Variants in THADA observed in about 807,000 individuals in gnomAD.
The protein encoded by THADA is THADA armadillo repeat containing, also known as tRNA (32-2'-O)-methyltransferase regulator THADA.
In THADA, 213 loss-of-function variants were observed where a neutral mutation model predicts 219.8. The ratio of observed to expected loss-of-function variants is 0.97; its 90% CI spans 0.87 to 1.09. THADA has a LOEUF of 1.09. THADA is among the 50% of genes least tolerant of loss of function. The pLI, the probability that THADA is intolerant of heterozygous loss-of-function variation, is 0.00. For synonymous variants in THADA, 1,018 were observed against 828.9 expected, an observed-to-expected ratio of 1.23 and a Z score of -3.92; for missense variants, 2,956 against 2,311.3, an observed-to-expected ratio of 1.28 and a Z score of -5.72.
At chr2:43,429,196 C>T (rs1678908302) in intron 27 of THADA, among the ~76,000 whole-genome samples, 1 of 150,138 alleles carries the variant, frequency 6.7e-6, no homozygotes, top group African/African-American at 2.4e-5. Flanking sequence ...CAACCTCTGC[C>T]TCCTGGGTTC....
chr2:43,529,786 G>T (rs896183222), intron 21 of THADA, among the ~76,000 whole-genome samples: 1 of 152,138 alleles, frequency 6.6e-6, no homozygotes, highest in South Asian at 2.1e-4. Context: ...TCTCAGCATA[G>T]GGACTAGATT....
chr2:43,433,007 G>C (rs1289494348), intron 26 of THADA, among the ~76,000 whole-genome samples: 1 of 151,902 alleles, frequency 6.6e-6, no homozygotes, highest in Admixed American at 6.6e-5. Context: ...TTTTCTTTAT[G>C]ATTCATGCTT....
intron 28 of THADA, among the ~76,000 whole-genome samples, chr2:43,417,800 C>T (rs1214187176): frequency 6.6e-6 from 1 of 152,178 alleles, no homozygotes; most frequent in Admixed American, 6.5e-5. Context: ...AAATTCACGC[C>T]TTATCACTAC....
chr2:43,443,125 A>G (rs1316056422), intron 26 of THADA, among the ~76,000 whole-genome samples: 2 of 152,184 alleles, frequency 1.3e-5, no homozygotes, highest in Admixed American at 1.3e-4. Flanking sequence ...TACACTCTGC[A>G]CAAGAAGAAA....
At chr2:43,456,117 T>C (rs1259818809) in intron 26 of THADA, among the ~76,000 whole-genome samples, 2 of 152,226 alleles carry the variant, frequency 1.3e-5, no homozygotes, top group Non-Finnish European at 2.9e-5. Context: ...TAGTAAATAT[T>C]TGAGGTATAT....
At chr2:43,402,387 A>G (rs1211349184) in intron 28 of THADA, among the ~76,000 whole-genome samples, 1 of 152,162 alleles carries the variant, frequency 6.6e-6, no homozygotes, top group Non-Finnish European at 1.5e-5. Context: ...TGAAATACAC[A>G]CTTGGACTTA....
At chr2:43,312,647 A>G (rs1166929974) in intron 31 of THADA, among the ~76,000 whole-genome samples, 1 of 151,982 alleles carries the variant, frequency 6.6e-6, no homozygotes, top group East Asian at 1.9e-4. Context: ...TAATTTTGGC[A>G]CAAGCAGCAG....
At chr2:43,326,577 C>T (rs1350308826) in intron 30 of THADA, among the ~76,000 whole-genome samples, 2 of 152,136 alleles carry the variant, frequency 1.3e-5, no homozygotes, top group East Asian at 3.8e-4. Flanking sequence ...TAAGGAGAGG[C>T]AGTGTCTGGT....
At chr2:43,351,566 AT>A (rs1668264916) in intron 29 of THADA, among the ~76,000 whole-genome samples, 1 of 152,216 alleles carries the variant, frequency 6.6e-6, no homozygotes, top group South Asian at 2.1e-4. Context: ...TAATTTGATG[AT>A]TTTAAAAAAC....
At chr2:43,349,410 G>A (rs1329100790) in intron 29 of THADA, among the ~76,000 whole-genome samples, 7 of 152,196 alleles carry the variant, frequency 4.6e-5, no homozygotes, top group African/African-American at 1.7e-4. Context: ...TAAATGCCAT[G>A]GGCCTAAAAA....
chr2:43,516,758 G>A (rs1327091792), intron 22 of THADA, among the ~76,000 whole-genome samples: 1 of 151,950 alleles, frequency 6.6e-6, no homozygotes, highest in South Asian at 2.1e-4. Flanking sequence ...CTCAGATCTG[G>A]CTCATGATGA....
chr2:43,438,919 T>C (rs1350108431), intron 26 of THADA, among the ~76,000 whole-genome samples: 1 of 152,218 alleles, frequency 6.6e-6, no homozygotes, highest in Non-Finnish European at 1.5e-5. Flanking sequence ...GAATGTGGTC[T>C]CTCTCTATAT....
chr2:43,452,171 A>C (rs1405555051), intron 26 of THADA, among the ~76,000 whole-genome samples: 1 of 152,136 alleles, frequency 6.6e-6, no homozygotes, highest in Admixed American at 6.5e-5. Flanking sequence ...AAGTGAATAG[A>C]CTAATTTAGC....
At chr2:43,441,662 A>G (rs554415695) in intron 26 of THADA, among the ~76,000 whole-genome samples, 1 of 152,280 alleles carries the variant, frequency 6.6e-6, no homozygotes, top group African/African-American at 2.4e-5. Flanking sequence ...TTGTACTGAG[A>G]GAAGAATCAC....
At chr2:43,501,897 T>C (rs893514429) in intron 24 of THADA, among the ~76,000 whole-genome samples, 6 of 151,776 alleles carry the variant, frequency 4.0e-5, no homozygotes, top group African/African-American at 1.5e-4. Context: ...TGAGCCGAGA[T>C]CACACCACTG....
At chr2:43,261,600 A>G (rs947417536) in intron 36 of THADA, among the ~76,000 whole-genome samples, 1 of 148,920 alleles carries the variant, frequency 6.7e-6, no homozygotes, top group African/African-American at 2.5e-5. Flanking sequence ...AGGTGGGATT[A>G]CAGGTGCATG....
chr2:43,457,161 C>T (rs961380751), intron 26 of THADA, among the ~76,000 whole-genome samples: 5 of 120,032 alleles, frequency 4.2e-5, no homozygotes, highest in Admixed American at 1.5e-4. Flanking sequence ...CACACACACA[C>T]ACACACACAC....
chr2:43,553,085 G>A (rs1192212371), intron 17 of THADA, among the ~76,000 whole-genome samples: 1 of 152,164 alleles, frequency 6.6e-6, no homozygotes, highest in Non-Finnish European at 1.5e-5. Flanking sequence ...CCTTCCTATA[G>A]ATGAATAATA....
At position 43,570,415 on chromosome 2, in the gene THADA, G is replaced by A. The variant is rs367559092; in HGVS notation, c.2160C>T (p.His720=). ...REPENELTKQ[H]PSVSLQQYKN... is the part of the protein sequence containing the mutation. ...TATACTGCTGTAAAGAAACAGAAGGGTGCTGTTTGGTTAACTCATTCTCTG... is the reference window on the plus strand; with the variant it reads ...TATACTGCTGTAAAGAAACAGAAGGATGCTGTTTGGTTAACTCATTCTCTG... The change falls in exon 14 of 38, where the codon CAC becomes CAT. Residue 720 remains histidine (H), a synonymous_variant. Coordinates refer to ENST00000405975, the MANE Select transcript of THADA (RefSeq NM_022065.5). The A allele has an allele frequency of 8.1e-6, 13 of 1,613,074 alleles. No homozygotes were observed. The African/African-American group carries it at 1.5e-4, about 18-fold the overall frequency.
Sources: allele counts gnomAD v4.1 joint callset (sites outside exome capture counted in the v4.1 genomes callset), GRCh38; gene constraint gnomAD v4.1.1; transcripts MANE v1.5; gene names NCBI Gene and HGNC (gene_info 2026-07-23, HGNC 2026-07-21).